The following TANK variants were observed in gnomAD, a reference collection of about 807,000 sequenced individuals.
TANK encodes TRAF family member-associated NF-kappa-B activator.
Under a neutral mutation model 43.6 loss-of-function variants are expected in TANK, and 15 were observed. The observed-to-expected ratio is 0.34, with a 90% confidence interval of 0.23 to 0.53. TANK has a LOEUF of 0.53. TANK is among the 20% of genes least tolerant of loss of function. The probability of loss-of-function intolerance (pLI) is 0.94; values close to 1 mark genes in which losing one functional copy is unlikely to be tolerated. For missense variants in TANK, 417 were observed against 498.6 expected (o/e 0.84, Z 1.56); for synonymous variants, 162 against 178.2 (o/e 0.91, Z 0.73).
intron 2 of TANK, among the ~76,000 whole-genome samples, chr2:161,196,862 A>T (rs1411735804): frequency 6.6e-6 from 1 of 152,170 alleles, no homozygotes; most frequent in Non-Finnish European, 1.5e-5. Context: ...AAAATGTGGG[A>T]AATAGTCTCC....
chr2:161,139,928 T>C (rs1288366873), intron 1 of TANK: 1 of 974,078 alleles, frequency 1.0e-6, no homozygotes, highest in African/African-American at 1.8e-5. Flanking sequence ...TGATTAATCT[T>C]ATATCCAACT....
chr2:161,230,838 T>TA lies in TANK; in HGVS notation c.521-129dup, dbSNP rs1268068958. The TA allele has an allele frequency of 1.5e-5, 11 of 721,920 alleles. No homozygotes were observed. In the African/African-American group the frequency reaches 1.8e-4, roughly 12 times the overall value. The allele number at this position is 721,920 out of a possible 1,614,324, so 44.7% of individuals were successfully genotyped here. Reference sequence around the variant, plus strand: ...TTCTGTGTAAGATGGTAGCAAATTTTAAAATCCCAGTTGTCTTCATTTGCT... The same window carrying TA: ...TTCTGTGTAAGATGGTAGCAAATTTTAAAAATCCCAGTTGTCTTCATTTGCT... On this transcript the variant is annotated intron_variant, in intron 6 of 7. Coordinates refer to ENST00000392749, the MANE Select transcript of TANK (RefSeq NM_001199135.3).
At chr2:161,142,557 G>A (rs749394501) in intron 1 of TANK, among the ~76,000 whole-genome samples, 9 of 151,864 alleles carry the variant, frequency 5.9e-5, no homozygotes, top group African/African-American at 2.2e-4. Context: ...CACTTTTCCC[G>A]ACACCATTTA....
chr2:161,157,184 C>T (rs1268699908), upstream of TANK, among the ~76,000 whole-genome samples: 1 of 152,136 alleles, frequency 6.6e-6, no homozygotes, highest in African/African-American at 2.4e-5. Context: ...CTTTGATTGC[C>T]TTCCAACAAA....
At chr2:161,190,051 A>G (rs2105318462) in intron 2 of TANK, among the ~76,000 whole-genome samples, 1 of 152,338 alleles carries the variant, frequency 6.6e-6, no homozygotes, top group East Asian at 1.9e-4. Context: ...GGCAACCCAC[A>G]GAATAAAAGA....
chr2:161,203,584 A>C lies in TANK; in HGVS notation c.197A>C (p.Asn66Thr), dbSNP rs756638092. 3.1e-6 allele frequency: 5 copies of C among 1,605,238 alleles called. No homozygotes were observed. Among genetic ancestry groups the C allele is most frequent in the Admixed American group, 3.4e-5 (2 of 59,104 alleles). Residue 66 changes from asparagine to threonine, a missense_variant, in exon 3 of 8, where the codon AAT (asparagine) becomes ACT (threonine). Physicochemically the swap from Asn to Thr is moderately conservative, Grantham distance 65. Transcript: ENST00000392749. ...DKLKSQLLLVNSTQDNNYGCV... is the reference protein window; with the variant it reads ...DKLKSQLLLVTSTQDNNYGCV... Reference sequence around the variant, plus strand: ...CTAAAATCTCAGTTACTTCTTGTGAATTCCACTCAAGGTATGTTCATGTTA... The same window carrying C: ...CTAAAATCTCAGTTACTTCTTGTGACTTCCACTCAAGGTATGTTCATGTTA...
chr2:161,196,518 A>T (rs1307164610), intron 2 of TANK, among the ~76,000 whole-genome samples: 4 of 152,158 alleles, frequency 2.6e-5, no homozygotes, highest in South Asian at 4.1e-4. Flanking sequence ...TTCAAATCTT[A>T]GCTCTACTAT....
At chr2:161,204,415 T>G (rs1686555548) in intron 3 of TANK, among the ~76,000 whole-genome samples, 1 of 152,220 alleles carries the variant, frequency 6.6e-6, no homozygotes, top group Non-Finnish European at 1.5e-5. Flanking sequence ...GCAAAGAGCA[T>G]ATTTCTAGTT....
intron 1 of TANK, among the ~76,000 whole-genome samples, chr2:161,170,476 G>A (rs1684895096): frequency 6.6e-6 from 1 of 152,102 alleles, no homozygotes; most frequent in Non-Finnish European, 1.5e-5. Flanking sequence ...TAATTAAAAA[G>A]CAGATCACTA....
In TANK at chr2:161,204,806, T is replaced by G; in HGVS notation, c.327+13T>G. On this transcript the variant is annotated intron_variant, in intron 4 of 7. Transcript: ENST00000392749. Reference sequence around the variant, plus strand: ...AAAACTACCAAAGGTAGACATTGCTTCTGCAGAAAGCAGCATTTAAATGCT... The same window carrying G: ...AAAACTACCAAAGGTAGACATTGCTGCTGCAGAAAGCAGCATTTAAATGCT... 6.2e-7 allele frequency: 1 copy of G among 1,603,930 alleles called. No individual in the cohort carries two copies. Among genetic ancestry groups the G allele is most frequent in the Non-Finnish European group, 8.5e-7 (1 of 1,176,962 alleles).
intron 2 of TANK, among the ~76,000 whole-genome samples, chr2:161,200,793 T>TC (rs11438695): frequency 6.2e-5 from 1 of 16,038 alleles, no homozygotes; most frequent in Non-Finnish European, 3.5e-4. Context: ...CTGATATTTC[T>TC]TTTTTTTTTT....
chr2:161,168,496 G>C (rs902683164), intron 1 of TANK, among the ~76,000 whole-genome samples: 1 of 151,944 alleles, frequency 6.6e-6, no homozygotes, highest in Non-Finnish European at 1.5e-5. Context: ...CAGAATCCTA[G>C]GGACAAAAAG....
chr2:161,183,182 A>G (rs1039656374), intron 2 of TANK, among the ~76,000 whole-genome samples: 1 of 152,176 alleles, frequency 6.6e-6, no homozygotes, highest in African/African-American at 2.4e-5. Flanking sequence ...ATTCTTCAGA[A>G]ATCATTGTTA....
chr2:161,186,141 A>T (rs1348252529), intron 2 of TANK, among the ~76,000 whole-genome samples: 1 of 152,158 alleles, frequency 6.6e-6, no homozygotes, highest in Admixed American at 6.5e-5. Flanking sequence ...GTGAGCTGAG[A>T]TCACACAACT....
chr2:161,203,251 G>C (rs1467812143), intron 2 of TANK, among the ~76,000 whole-genome samples: 1 of 151,880 alleles, frequency 6.6e-6, no homozygotes, highest in Non-Finnish European at 1.5e-5. Context: ...ATCCTTGACT[G>C]AAATGTCTTT....
At chr2:161,210,335 C>T (rs1686823726) in intron 4 of TANK, among the ~76,000 whole-genome samples, 1 of 152,196 alleles carries the variant, frequency 6.6e-6, no homozygotes, top group East Asian at 1.9e-4. Context: ...CTCCTATTTG[C>T]CAAGCCTTGC....
intron 1 of TANK, among the ~76,000 whole-genome samples, chr2:161,143,431 C>G: frequency 6.6e-6 from 1 of 152,066 alleles, no homozygotes; most frequent in East Asian, 1.9e-4. Context: ...ACAGCTTTTG[C>G]CCATTTAGTA....
intron 1 of TANK, among the ~76,000 whole-genome samples, chr2:161,174,610 C>T (rs1213717219): frequency 6.6e-6 from 1 of 152,080 alleles, no homozygotes; most frequent in Non-Finnish European, 1.5e-5. Flanking sequence ...TAATGTTATA[C>T]AATTATAAAG....
At chr2:161,164,856 TC>T (rs1422702148) in intron 1 of TANK, among the ~76,000 whole-genome samples, 4 of 152,182 alleles carry the variant, frequency 2.6e-5, no homozygotes, top group African/African-American at 9.6e-5. Flanking sequence ...GACGTATTTT[TC>T]TTAAGGAAAA....
Sources: allele counts gnomAD v4.1 joint callset (sites outside exome capture counted in the v4.1 genomes callset), GRCh38; gene constraint gnomAD v4.1.1; transcripts MANE v1.5; gene names NCBI Gene and HGNC (gene_info 2026-07-23, HGNC 2026-07-21).